FIBP: variants seen among roughly 807,000 people sequenced by gnomAD.
The protein encoded by FIBP is acidic fibroblast growth factor intracellular-binding protein.
Under a neutral mutation model 40.5 loss-of-function variants are expected in FIBP, and 29 were observed. That is an observed-to-expected ratio of 0.72 (90% CI 0.53 to 0.98). The LOEUF is 0.98. FIBP is among the 50% of genes least tolerant of loss of function. The pLI, the probability that FIBP is intolerant of heterozygous loss-of-function variation, is 0.00. For missense variants in FIBP, 411 were observed against 470.2 expected (o/e 0.87, Z 1.16); for synonymous variants, 215 against 191.1 (o/e 1.13, Z -1.03).
intron 2 of FIBP, 58 bp from the exon 3 acceptor site, chr11:65,887,784 C>A: frequency 1.3e-6 from 2 of 1,522,434 alleles, no homozygotes; most frequent in Non-Finnish European, 1.8e-6. Flanking sequence ...GGGAGTCTGG[C>A]GGGGCCTAGC....
rs543944553 is a variant in FIBP at position 65,884,863 on chromosome 11, G to C, written c.819+72C>G. Reference sequence around the variant, plus strand: ...TGCCGGCCAATCCCTGGCAGGGGCAGAGCTGCCCGGTAGGGGTGGCGAACT... The same window carrying C: ...TGCCGGCCAATCCCTGGCAGGGGCACAGCTGCCCGGTAGGGGTGGCGAACT... On this transcript the variant is annotated intron_variant, in intron 7 of 9. Transcript: ENST00000357519. 6.5e-5 allele frequency: 102 copies of C among 1,570,160 alleles called. No individual in the cohort carries two copies. In the African/African-American group the frequency reaches 1.1e-3, roughly 16 times the overall value.
intron 3 of FIBP, chr11:65,887,334 T>G (rs1457057672): frequency 4.2e-6 from 2 of 477,844 alleles, no homozygotes; most frequent in Admixed American, 3.3e-5. Flanking sequence ...TAATCTCAGC[T>G]ACTGCAGAGG....
chr11:65,888,158 C>A (rs1215192608), intron 1 of FIBP, 26 bp from the exon 2 acceptor site: 12 of 1,536,348 alleles, frequency 7.8e-6, no homozygotes, highest in Non-Finnish European at 9.6e-6. Context: ...TAGCATCAGG[C>A]CCCGCCCCGC....
intron 1 of FIBP, 67 bp downstream of exon 1, chr11:65,888,267 C>T (rs1860297876): frequency 2.0e-6 from 3 of 1,498,306 alleles, no homozygotes; most frequent in African/African-American, 1.4e-5. Context: ...CAAGTCTTAG[C>T]CCCGCCCCCT....
At chr11:65,887,240 G>A (rs1860259679) in intron 3 of FIBP, 2 of 359,498 alleles carry the variant, frequency 5.6e-6, no homozygotes, top group Non-Finnish European at 1.1e-5. Context: ...GAGGCCAGGA[G>A]TTCAAGACAA....
In FIBP at chr11:65,887,620, G is replaced by A. The variant is rs1290849880; in HGVS notation, c.391C>T (p.Leu131Phe). 6.2e-7 allele frequency: 1 copy of A among 1,614,114 alleles called. No homozygotes were observed. The highest frequency in any genetic ancestry group is 8.5e-7 in the Non-Finnish European group (1 of 1,180,010). Residue 131 changes from leucine to phenylalanine, a missense_variant, in exon 3 of 10, where the codon CTC becomes TTC. Transcript: ENST00000357519. ...DDISTKTGITLKSCRRQFDNF... is the reference protein window; with the variant it reads ...DDISTKTGITFKSCRRQFDNF... ...CATACCTGTCTCCGGCAGCTCTTGA[G>A]GGTGATGCCTGTTTTGGTGCTGATG... is the stretch of plus-strand genomic sequence containing the variant.
rs1860213962 is a variant in FIBP, at chr11:65,885,566, C to G, written c.610G>C (p.Glu204Gln). Residue 204 changes from glutamate to glutamine, a missense_variant, in exon 5 of 10, where the codon GAG (glutamate) becomes CAG (glutamine). By Grantham distance (29) the Glu-to-Gln change is conservative (BLOSUM62 2). Coordinates refer to ENST00000357519, the MANE Select transcript of FIBP (RefSeq NM_004214.5). Reference protein sequence around the residue: ...LSFGDFAFCAELMIQNWTLGA... With the variant: ...LSFGDFAFCAQLMIQNWTLGA... The stretch of plus-strand genomic sequence containing the variant: ...AGGGTCCAGTTTTGGATCATGAGCT[C>G]AGCGCAGAAGGCAAAGTCACCGAAG... The G allele has an allele frequency of 1.2e-6, 2 of 1,614,078 alleles. No individual in the cohort carries two copies. Among genetic ancestry groups the G allele is most frequent in the Non-Finnish European group, 1.7e-6 (2 of 1,180,044 alleles).
rs1027641192 is a variant in FIBP at position 65,884,428 on chromosome 11, T to C, written c.968A>G (p.Gln323Arg). 2 of 1,614,036 alleles carry C rather than the reference T, an allele frequency of 1.2e-6. No individual in the cohort carries two copies. Among genetic ancestry groups the C allele is most frequent in the African/African-American group, 1.3e-5 (1 of 74,910 alleles). The change falls in exon 9 of 10, where the codon CAG (glutamine) becomes CGG (arginine). Residue 323 changes from glutamine (Q) to arginine (R), a missense_variant. By Grantham distance (43) the Gln-to-Arg change is conservative. Coordinates refer to ENST00000357519, the MANE Select transcript of FIBP (RefSeq NM_004214.5). ...GAGGGAGTGGACAGACGCTGAATACTGATTCAGGAAGAACCGCACGTCGCT... is the reference window on the plus strand; with the variant it reads ...GAGGGAGTGGACAGACGCTGAATACCGATTCAGGAAGAACCGCACGTCGCT... ...PLSDVRFFLN[Q>R]YSASVHSLDG...
chr11:65,888,369 T>C lies in FIBP; in HGVS notation c.50A>G (p.Glu17Gly). Residue 17 changes from glutamate (E) to glycine (G), a missense_variant, in exon 1 of 10, where the codon GAG becomes GGG. Glu to Gly is a moderately conservative substitution (Grantham distance 98, BLOSUM62 -2). Coordinates refer to ENST00000357519, the MANE Select transcript of FIBP (RefSeq NM_004214.5). ...IFVGNTTLID[E>G]DVYRLWLDGY... ...ATCGAGCCAGAGGCGATACACGTCC[T>C]CGTCGATAAGGGTCGTGTTCCCCAC... 6.4e-7 allele frequency: 1 copy of C among 1,563,268 alleles called. No individual in the cohort carries two copies. The highest frequency in any genetic ancestry group is 8.7e-7 in the Non-Finnish European group (1 of 1,153,344).
intron 4 of FIBP, chr11:65,885,922 G>A (rs1591077394): frequency 2.0e-6 from 1 of 488,984 alleles, no homozygotes; most frequent in African/African-American, 1.9e-5. Context: ...AAGTGCCAGG[G>A]CTGTGCCATG....
chr11:65,888,173 G>GC (rs1287679192), intron 1 of FIBP, 41 bp from the exon 2 acceptor site: 1 of 1,527,276 alleles, frequency 6.5e-7, no homozygotes, highest in Admixed American at 2.0e-5. Flanking sequence ...CCCCGCCGAC[G>GC]CCAGAGGCCC....
rs746875538 is a variant in FIBP, at chr11:65,885,018, C to A, written c.756-20G>T. On this transcript the variant is annotated intron_variant, in intron 6 of 9. Coordinates refer to ENST00000357519, the MANE Select transcript of FIBP (RefSeq NM_004214.5). ...ACCAGGCTGCAGAGAGACAGGGTCA[C>A]GCCTATAGCCACCTGGGCCCCTACT... The A allele has an allele frequency of 1.1e-5, 17 of 1,614,144 alleles. No individual in the cohort carries two copies. The Admixed American group carries it at 2.5e-4, about 24-fold the overall frequency.
At chr11:65,887,473 A>T in intron 3 of FIBP, 127 bp downstream of exon 3, 1 of 1,008,776 alleles carries the variant, frequency 9.9e-7, no homozygotes, top group African/African-American at 1.6e-5. Context: ...AGGAGGGGAA[A>T]GGGGAAGGGA....
Position 65,888,450 on chromosome 11 carries a change from GGAGC to G in FIBP, c.-36_-33del, listed in dbSNP as rs1860305503. 6.5e-7 allele frequency: 1 copy of G among 1,535,012 alleles called. No individual in the cohort carries two copies. The highest frequency in any genetic ancestry group is 1.4e-5 in the African/African-American group (1 of 72,870). ...GCCCGGGGCCGCAGCGCCCCGAGCAGGAGCGAGCACTGCTCGGGACTGGCGCGCC... is the reference window on the plus strand; with the variant it reads ...GCCCGGGGCCGCAGCGCCCCGAGCAGGAGCACTGCTCGGGACTGGCGCGCC... On this transcript the variant is annotated 5_prime_UTR_variant, in exon 1 of 10. Transcript: ENST00000357519.
Position 65,888,380 on chromosome 11 carries a change from G to C in FIBP, c.39C>G (p.Thr13=). The C allele has an allele frequency of 1.3e-5, 20 of 1,566,170 alleles. No individual in the cohort carries two copies. Among genetic ancestry groups the C allele is most frequent in the Non-Finnish European group, 1.6e-5 (19 of 1,154,974 alleles). The change falls in exon 1 of 10, where the codon ACC becomes ACG. Residue 13 remains threonine, a synonymous_variant. Coordinates refer to ENST00000357519, the MANE Select transcript of FIBP (RefSeq NM_004214.5). ...SELDIFVGNT[T]LIDEDVYRLW... ...GGCGATACACGTCCTCGTCGATAAG[G>C]GTCGTGTTCCCCACGAAGATGTCCA...
intron 3 of FIBP, chr11:65,886,703 AC>A (rs1364848697): frequency 3.0e-6 from 1 of 334,042 alleles, no homozygotes; most frequent in Non-Finnish European, 5.5e-6. Context: ...CCAGATCTTC[AC>A]AAGTTTGAGT....
chr11:65,886,079 A>C, intron 4 of FIBP: 1 of 485,066 alleles, frequency 2.1e-6, no homozygotes, highest in Non-Finnish European at 3.7e-6. Context: ...CTGAGGCAGA[A>C]TTGCTTGAAC....
chr11:65,887,148 T>G, intron 3 of FIBP: 2 of 330,422 alleles, frequency 6.1e-6, no homozygotes, highest in Middle Eastern at 1.1e-3. Context: ...CAGGATAGCT[T>G]GGAAGGCACA....
chr11:65,887,605 T>A lies in FIBP; in HGVS notation c.406A>T (p.Arg136Ter). The A allele has an allele frequency of 1.9e-6, 3 of 1,614,094 alleles. No homozygotes were observed. Among genetic ancestry groups the A allele is most frequent in the Non-Finnish European group, 2.5e-6 (3 of 1,180,004 alleles). The change falls in exon 3 of 10, where the codon AGA becomes TGA. Residue 136 changes from arginine to a stop codon, truncating the protein, a stop_gained. Coordinates refer to ENST00000357519, the MANE Select transcript of FIBP (RefSeq NM_004214.5). LOFTEE classifies it high-confidence loss of function. ...CGTGTGGATGCAGTGCATACCTGTC[T>A]CCGGCAGCTCTTGAGGGTGATGCCT... ...KTGITLKSCR[R>*]QFDNFKRVFK...
Sources: allele counts gnomAD v4.1 joint callset, GRCh38; gene constraint gnomAD v4.1.1; transcripts MANE v1.5; gene names NCBI Gene and HGNC (gene_info 2026-07-23, HGNC 2026-07-21).